Variants in ASCC3 observed in about 807,000 individuals in gnomAD.
ASCC3 encodes the protein activating signal cointegrator 1 complex subunit 3.
In ASCC3, 158 loss-of-function variants were observed where a neutral mutation model predicts 256.3. The observed-to-expected ratio is 0.62, with a 90% confidence interval of 0.54 to 0.70. The LOEUF is 0.70. Ranked by LOEUF, ASCC3 falls within the 30% of genes least tolerant of loss-of-function variation. The pLI, the probability that ASCC3 is intolerant of heterozygous loss-of-function variation, is 0.00. For synonymous variants in ASCC3, 948 were observed against 883.4 expected, an observed-to-expected ratio of 1.07 and a Z score of -1.30; for missense variants, 2,259 against 2,626.0, an observed-to-expected ratio of 0.86 and a Z score of 3.05.
chr6:100,872,508 G>A lies in ASCC3; in HGVS notation c.-41-4470C>T, dbSNP rs529323895. Among the ~76,000 whole-genome samples, 20 of 151,306 alleles carry A rather than the reference G, an allele frequency of 1.3e-4. No homozygotes were observed. The South Asian group carries it at 3.3e-3, about 25-fold the overall frequency. ...GGCAGACGGGAGGCAGGACTAGACTGCAGCTCCCACTCTGACAGAGCACCG... is the reference window on the plus strand; with the variant it reads ...GGCAGACGGGAGGCAGGACTAGACTACAGCTCCCACTCTGACAGAGCACCG... On this transcript the variant is annotated intron_variant, in intron 1 of 41. Coordinates refer to ENST00000369162, the MANE Select transcript of ASCC3 (RefSeq NM_006828.4).
chr6:100,784,549 C>T (rs1462393838), intron 8 of ASCC3, among the ~76,000 whole-genome samples: 2 of 151,836 alleles, frequency 1.3e-5, no homozygotes, highest in African/African-American at 4.8e-5. Flanking sequence ...CTCCATGAAT[C>T]ACGGTAGATA....
In ASCC3 at chr6:100,556,991, TCACATAGAACA is replaced by T. The variant is rs552539219; in HGVS notation, c.5551-16615_5551-16605del. On this transcript the variant is annotated intron_variant, in intron 36 of 41. Transcript: ENST00000369162. Reference sequence around the variant, plus strand: ...AAGTATTAAAGACTGTGAATGCAGCTCACATAGAACAATGGTAGGACTCCTCAGTCTTCTGG... The same window carrying T: ...AAGTATTAAAGACTGTGAATGCAGCTATGGTAGGACTCCTCAGTCTTCTGG... 1.2e-3 allele frequency among the ~76,000 whole-genome samples: 177 copies of T among 152,230 alleles called. 4 individuals carry two copies. In the East Asian group the frequency reaches 0.031, roughly 27 times the overall value.
chr6:100,652,773 A>G lies in ASCC3; in HGVS notation c.2940T>C (p.Asp980=), dbSNP rs1186512647. 1 of 1,613,798 alleles carries G rather than the reference A, an allele frequency of 6.2e-7. No homozygotes were observed. The highest frequency in any genetic ancestry group is 8.5e-7 in the Non-Finnish European group (1 of 1,179,936). ...EERTGYFSST[D]LGRTASHYYI... is the part of the protein sequence containing the mutation. ...AGTAATGGCTGGCAGTTCTACCCAA[A>G]TCAGTTGAGGAAAAATATCCAGTTC... Residue 980 remains aspartate (D), a synonymous_variant, in exon 18 of 42, where the codon GAT becomes GAC. Transcript: ENST00000369162.
chr6:100,757,735 G>A (rs1338479964), intron 10 of ASCC3, among the ~76,000 whole-genome samples: 1 of 152,124 alleles, frequency 6.6e-6, no homozygotes, highest in African/African-American at 2.4e-5. Context: ...TCTGAAAAGT[G>A]AAAAAAGAAG....
At chr6:100,568,412 C>T (rs145873824) in intron 36 of ASCC3, among the ~76,000 whole-genome samples, 2,491 of 150,370 alleles carry the variant, frequency 0.017, 61 homozygotes, top group African/African-American at 0.058. Flanking sequence ...GATAGTATCT[C>T]ATTGTGGTTT....
intron 4 of ASCC3, among the ~76,000 whole-genome samples, chr6:100,845,784 G>T (rs1772352173): frequency 6.6e-6 from 1 of 151,834 alleles, no homozygotes; most frequent in Non-Finnish European, 1.5e-5. Context: ...TAACATAAAG[G>T]TCTTTTTAAA....
At chr6:100,847,884 C>T (rs1772457748) in intron 4 of ASCC3, 1 of 307,682 alleles carries the variant, frequency 3.3e-6, no homozygotes, top group South Asian at 1.1e-4. Flanking sequence ...GACATCAAAC[C>T]AGCACTGTCC....
chr6:100,841,013 C>G (rs779106514), intron 4 of ASCC3, among the ~76,000 whole-genome samples: 27 of 151,714 alleles, frequency 1.8e-4, no homozygotes, highest in Non-Finnish European at 3.4e-4. Flanking sequence ...ACTGAGAAAA[C>G]TAGAGGGACA....
At chr6:100,770,045 T>C (rs117633843) in intron 8 of ASCC3, among the ~76,000 whole-genome samples, 1 of 151,792 alleles carries the variant, frequency 6.6e-6, no homozygotes, top group Admixed American at 6.6e-5. Context: ...AAGTGGAGTT[T>C]TAAACTATTT....
chr6:100,846,050 TA>T (rs1407817340), intron 4 of ASCC3, among the ~76,000 whole-genome samples: 1 of 152,164 alleles, frequency 6.6e-6, no homozygotes, highest in African/African-American at 2.4e-5. Context: ...TAAAAAGAAA[TA>T]GAAATTAACT....
chr6:100,700,085 G>A (rs975254710), intron 13 of ASCC3, among the ~76,000 whole-genome samples: 1 of 152,140 alleles, frequency 6.6e-6, no homozygotes, highest in African/African-American at 2.4e-5. Flanking sequence ...CCAAGACAAA[G>A]GGGAAAATGT....
chr6:100,662,460 C>T lies in ASCC3; in HGVS notation c.2363G>A (p.Arg788Gln), dbSNP rs376368995. 6.8e-6 allele frequency: 11 copies of T among 1,613,080 alleles called. No homozygotes were observed. The highest frequency in any genetic ancestry group is 2.7e-5 in the African/African-American group (2 of 74,846). The change falls in exon 15 of 42, where the codon CGG (arginine) becomes CAG (glutamine). Residue 788 changes from arginine (R) to glutamine (Q), a missense_variant. Arg to Gln is a conservative substitution (Grantham distance 43, BLOSUM62 1). This residue lies in a region of ASCC3 where 1,839 missense variants were observed against 2,206.7 expected (regional missense o/e 0.83). Coordinates refer to ENST00000369162, the MANE Select transcript of ASCC3 (RefSeq NM_006828.4). ...GTTTTCAACTAAATTTCTGTCCTGC[C>T]GAAGCATTCCTGCATGATGAATACT... ...GFSIHHAGMLRQDRNLVENLF... is the reference protein window; with the variant it reads ...GFSIHHAGMLQQDRNLVENLF...
intron 36 of ASCC3, among the ~76,000 whole-genome samples, chr6:100,576,364 C>T (rs1003334208): frequency 6.6e-6 from 1 of 151,966 alleles, no homozygotes; most frequent in African/African-American, 2.4e-5. Flanking sequence ...ATTCTAGTTA[C>T]AAGGTCATAC....
intron 13 of ASCC3, among the ~76,000 whole-genome samples, chr6:100,684,373 G>C (rs1420574519): frequency 3.3e-5 from 5 of 152,070 alleles, no homozygotes; most frequent in African/African-American, 1.2e-4. Context: ...AAATCACCTG[G>C]CAGGCTTGTT....
At chr6:100,580,780 T>C (rs1771189077) in intron 36 of ASCC3, among the ~76,000 whole-genome samples, 1 of 134,970 alleles carries the variant, frequency 7.4e-6, no homozygotes, top group African/African-American at 2.8e-5. Context: ...CCCCTTCCTG[T>C]GTCCATGTGT....
chr6:100,643,346 G>T (rs1159290659), intron 23 of ASCC3, among the ~76,000 whole-genome samples: 2 of 152,116 alleles, frequency 1.3e-5, no homozygotes, highest in African/African-American at 4.8e-5. Context: ...AAATTTAGAA[G>T]AAATGCTCTT....
chr6:100,640,495 G>A (rs1775071082), intron 24 of ASCC3, among the ~76,000 whole-genome samples: 1 of 152,096 alleles, frequency 6.6e-6, no homozygotes. Flanking sequence ...TGGTCATTTG[G>A]CAGACAAAAG....
At chr6:100,513,614 G>A (rs1416244864) in intron 39 of ASCC3, among the ~76,000 whole-genome samples, 1 of 151,984 alleles carries the variant, frequency 6.6e-6, no homozygotes, top group Non-Finnish European at 1.5e-5. Flanking sequence ...AATTCTATAA[G>A]TCTAGGGTTC....
At chr6:100,755,574 A>G (rs761195378) in intron 10 of ASCC3, among the ~76,000 whole-genome samples, 7 of 152,108 alleles carry the variant, frequency 4.6e-5, no homozygotes, top group Non-Finnish European at 8.8e-5. Flanking sequence ...AGATCAGACT[A>G]CATGACCATC....
Sources: gnomAD v4.1 joint callset for allele counts (sites outside exome capture counted in the v4.1 genomes callset) on GRCh38, gnomAD v4.1.1 for gene constraint, gnomAD v4.1.1 regional missense constraint, MANE v1.5 for transcripts, NCBI Gene and HGNC (gene_info 2026-07-23, HGNC 2026-07-21) for gene names.